Variants in FOXP1 observed in about 807,000 individuals in gnomAD.
FOXP1 encodes forkhead box P1.
Under a neutral mutation model 98.2 loss-of-function variants are expected in FOXP1, and 15 were observed. That is an observed-to-expected ratio of 0.15 (90% CI 0.10 to 0.24). The LOEUF is 0.24. Among genes scored for constraint, FOXP1 ranks in the 10% least tolerant of loss-of-function variants. FOXP1 has a pLI of 1.00. For missense variants in FOXP1, 633 were observed against 848.5 expected, an observed-to-expected ratio of 0.75 and a Z score of 3.15; for synonymous variants, 371 against 314.5, an observed-to-expected ratio of 1.18 and a Z score of -1.90.
intron 5 of FOXP1, among the ~76,000 whole-genome samples, chr3:71,259,840 G>C (rs1029056688): frequency 1.3e-5 from 2 of 152,212 alleles, no homozygotes; most frequent in African/African-American, 2.4e-5. Context: ...CTTAAGACAA[G>C]TGAGCCCAGA....
At chr3:71,393,870 T>C (rs2081205399) in intron 3 of FOXP1, among the ~76,000 whole-genome samples, 1 of 152,208 alleles carries the variant, frequency 6.6e-6, no homozygotes, top group Non-Finnish European at 1.5e-5. Context: ...ATTTTTTAAA[T>C]TTTTTGTAGA....
rs370525938 is a variant in FOXP1 at position 70,959,226 on chromosome 3, G to A, written c.*21C>T. On this transcript the variant is annotated 3_prime_UTR_variant, in exon 21 of 21. Transcript: ENST00000649528. ...TTTCCTTTTTCCAATCTTCATTCTC[G>A]GGGTTGGCCCGCCCCGATAGTCACT... is the stretch of plus-strand genomic sequence containing the variant. The A allele has an allele frequency of 8.6e-5, 139 of 1,608,734 alleles. No homozygotes were observed. Among genetic ancestry groups the A allele is most frequent in the Admixed American group, 2.2e-4 (13 of 59,498 alleles).
chr3:71,354,150 CAAAAAAA>C (rs541215729), intron 4 of FOXP1, among the ~76,000 whole-genome samples: 1 of 129,092 alleles, frequency 7.7e-6, no homozygotes. Flanking sequence ...ATTAAAAATA[CAAAAAAA>C]AAAAAAAAAT....
At chr3:70,968,917 A>C (rs1205360743) in intron 19 of FOXP1, 1 of 152,202 alleles carries the variant, frequency 6.6e-6, no homozygotes, top group Admixed American at 6.5e-5. Context: ...TCCACTTCTC[A>C]AATCATGAAT....
At chr3:71,270,161 T>C (rs1254325059) in intron 5 of FOXP1, among the ~76,000 whole-genome samples, 1 of 152,188 alleles carries the variant, frequency 6.6e-6, no homozygotes, top group Non-Finnish European at 1.5e-5. Context: ...AGTGGCACTT[T>C]TTCACCAGCA....
intron 11 of FOXP1, among the ~76,000 whole-genome samples, chr3:71,017,303 A>G (rs2044644341): frequency 6.6e-6 from 1 of 152,102 alleles, no homozygotes; most frequent in East Asian, 1.9e-4. Flanking sequence ...ATGAAAGAAT[A>G]CTTCAACAGT....
At chr3:71,472,047 G>A (rs949594061) in intron 3 of FOXP1, among the ~76,000 whole-genome samples, 8 of 152,194 alleles carry the variant, frequency 5.3e-5, no homozygotes, top group African/African-American at 1.9e-4. Flanking sequence ...AAGTCAGTGA[G>A]TCACTAAAAG....
chr3:71,073,090 CAAAT>C (rs2053441619), intron 7 of FOXP1, among the ~76,000 whole-genome samples: 1 of 152,198 alleles, frequency 6.6e-6, no homozygotes, highest in East Asian at 1.9e-4. Flanking sequence ...TCTTTTCAAA[CAAAT>C]AAGGCATTGT....
intron 9 of FOXP1, among the ~76,000 whole-genome samples, chr3:71,048,275 A>G (rs2049318549): frequency 6.6e-6 from 1 of 152,218 alleles, no homozygotes; most frequent in African/African-American, 2.4e-5. Context: ...GTTCTGGCTA[A>G]TAACTATACT....
intron 7 of FOXP1, among the ~76,000 whole-genome samples, chr3:71,098,988 A>T (rs182322368): frequency 1.5e-4 from 23 of 152,336 alleles, no homozygotes; most frequent in African/African-American, 5.1e-4. Flanking sequence ...TAAGCTATTT[A>T]CAGATGTTAC....
chr3:71,212,151 G>C lies in FOXP1; in HGVS notation c.-11-13759C>G, dbSNP rs562779962. ...TGAGACTTTCTCCTTGGCTTTATCA[G>C]AAGGATTAAAAAAGAATTGAAAATG... is the stretch of plus-strand genomic sequence containing the variant. On this transcript the variant is annotated intron_variant, in intron 5 of 20. Coordinates refer to ENST00000649528, the MANE Select transcript of FOXP1 (RefSeq NM_001349338.3). 2.0e-5 allele frequency among the ~76,000 whole-genome samples: 3 copies of C among 152,246 alleles called. No homozygotes were observed. In the East Asian group the frequency reaches 5.8e-4, roughly 29 times the overall value.
chr3:71,333,002 G>A (rs948179570), intron 4 of FOXP1: 2 of 152,230 alleles, frequency 1.3e-5, no homozygotes, highest in Non-Finnish European at 2.9e-5. Context: ...TCCAACAAAG[G>A]GTCAGAGCAA....
At chr3:71,369,114 G>A (rs1231489938) in intron 3 of FOXP1, among the ~76,000 whole-genome samples, 1 of 152,014 alleles carries the variant, frequency 6.6e-6, no homozygotes, top group African/African-American at 2.4e-5. Context: ...TCTCAGCTGG[G>A]CACGGTGGCT....
intron 4 of FOXP1, among the ~76,000 whole-genome samples, chr3:71,345,395 TATACACACACACACACAC>T (rs1182025766): frequency 4.6e-4 from 23 of 50,306 alleles, no homozygotes; most frequent in African/African-American, 1.0e-3. Context: ...CTCAAATATA[TATACACACACACACACAC>T]ACACACACAC....
At chr3:71,242,810 T>C (rs953023400) in intron 5 of FOXP1, among the ~76,000 whole-genome samples, 1 of 150,006 alleles carries the variant, frequency 6.7e-6, no homozygotes, top group Non-Finnish European at 1.5e-5. Flanking sequence ...ACAAGCAAAT[T>C]GAATGTCTTA....
At chr3:71,149,410 TA>T (rs1017402562) in intron 6 of FOXP1, among the ~76,000 whole-genome samples, 1 of 152,208 alleles carries the variant, frequency 6.6e-6, no homozygotes, top group Non-Finnish European at 1.5e-5. Context: ...GGATGCCTCT[TA>T]AAAGACATGG....
intron 7 of FOXP1, among the ~76,000 whole-genome samples, chr3:71,059,165 G>GTT (rs1263032966): frequency 6.6e-6 from 1 of 151,852 alleles, no homozygotes; most frequent in Non-Finnish European, 1.5e-5. Flanking sequence ...TTATCATTTT[G>GTT]TTTATTACAT....
intron 1 of FOXP1, chr3:71,582,845 C>A (rs2048295348): frequency 1.0e-6 from 1 of 972,944 alleles, no homozygotes; most frequent in African/African-American, 1.8e-5. Flanking sequence ...TTCCTCGCCG[C>A]TGACTCTCGG....
At chr3:71,077,925 C>T (rs1042040537) in intron 7 of FOXP1, among the ~76,000 whole-genome samples, 4 of 152,022 alleles carry the variant, frequency 2.6e-5, no homozygotes, top group Admixed American at 6.6e-5. Flanking sequence ...CTCCACCTCC[C>T]GGGTTCAAGC....
Sources: allele counts gnomAD v4.1 joint callset (sites outside exome capture counted in the v4.1 genomes callset), GRCh38; gene constraint gnomAD v4.1.1; transcripts MANE v1.5; gene names NCBI Gene and HGNC (gene_info 2026-07-23, HGNC 2026-07-21).